The following CNTN5 variants were observed in gnomAD, a reference collection of about 807,000 sequenced individuals.
CNTN5 encodes the protein contactin 5, also known as contactin-5.
A neutral mutation model predicts 129.1 loss-of-function variants in CNTN5; 77 were observed. The ratio of observed to expected loss-of-function variants is 0.60; its 90% CI spans 0.50 to 0.72. The LOEUF is 0.72. Among genes scored for constraint, CNTN5 ranks in the 30% least tolerant of loss-of-function variants. The probability of loss-of-function intolerance (pLI) is 0.00; values close to 1 mark genes in which losing one functional copy is unlikely to be tolerated. For synonymous variants in CNTN5, 509 were observed against 465.6 expected, an observed-to-expected ratio of 1.09 and a Z score of -1.20; for missense variants, 1,478 against 1,328.8, an observed-to-expected ratio of 1.11 and a Z score of -1.75.
At chr11:99,486,155 A>G (rs2135332248) in intron 2 of CNTN5, among the ~76,000 whole-genome samples, 1 of 152,142 alleles carries the variant, frequency 6.6e-6, no homozygotes, top group Non-Finnish European at 1.5e-5. Context: ...AATTCAGTTA[A>G]TAGTATTTGT....
chr11:100,037,427 C>G (rs1157663097), intron 9 of CNTN5, among the ~76,000 whole-genome samples: 9 of 151,822 alleles, frequency 5.9e-5, no homozygotes, highest in African/African-American at 9.7e-5. Context: ...GTCTAAAATT[C>G]TCTTTTTTGG....
chr11:99,188,900 C>A (rs997624102), intron 1 of CNTN5, among the ~76,000 whole-genome samples: 4 of 151,666 alleles, frequency 2.6e-5, no homozygotes, highest in Non-Finnish European at 1.5e-5. Context: ...GAATATAATA[C>A]ATTTTTATTA....
chr11:99,795,378 G>T (rs1055526163), intron 3 of CNTN5, among the ~76,000 whole-genome samples: 1 of 152,080 alleles, frequency 6.6e-6, no homozygotes, highest in Non-Finnish European at 1.5e-5. Flanking sequence ...CTGAATCTCA[G>T]TGATCTTTAT....
intron 2 of CNTN5, among the ~76,000 whole-genome samples, chr11:99,400,872 G>A (rs2136210765): frequency 6.6e-6 from 1 of 152,178 alleles, no homozygotes; most frequent in African/African-American, 2.4e-5. Context: ...CCATTTTTAT[G>A]TATTCGTTTG....
intron 1 of CNTN5, among the ~76,000 whole-genome samples, chr11:99,164,718 A>G (rs1860793958): frequency 6.6e-6 from 1 of 152,214 alleles, no homozygotes; most frequent in Non-Finnish European, 1.5e-5. Flanking sequence ...AAAATAATAC[A>G]TGAAAATTGG....
At chr11:99,841,974 C>G (rs1359513497) in intron 4 of CNTN5, among the ~76,000 whole-genome samples, 1 of 151,616 alleles carries the variant, frequency 6.6e-6, no homozygotes. Flanking sequence ...GCAACTTCCA[C>G]CTCCATTGTT....
chr11:99,248,136 G>T (rs188972469), intron 1 of CNTN5, among the ~76,000 whole-genome samples: 8,234 of 151,856 alleles, frequency 0.054, 780 homozygotes, highest in African/African-American at 0.19. Flanking sequence ...GTTTCCTGAC[G>T]TTTTAATGAT....
intron 13 of CNTN5, among the ~76,000 whole-genome samples, chr11:100,126,811 A>T (rs181085762): frequency 1.1e-3 from 173 of 152,134 alleles, no homozygotes; most frequent in African/African-American, 3.9e-3. Flanking sequence ...TAAGCTTTTA[A>T]TCTTATTGTG....
At chr11:99,675,642 G>T (rs1324740292) in intron 3 of CNTN5, among the ~76,000 whole-genome samples, 1 of 152,072 alleles carries the variant, frequency 6.6e-6, no homozygotes, top group Non-Finnish European at 1.5e-5. Context: ...CTGAGATTGT[G>T]CCCCACTGCC....
intron 3 of CNTN5, among the ~76,000 whole-genome samples, chr11:99,784,142 A>C (rs903678054): frequency 6.6e-6 from 1 of 152,008 alleles, no homozygotes; most frequent in Non-Finnish European, 1.5e-5. Flanking sequence ...CAGGTTCAGA[A>C]CTTTTTACTA....
chr11:100,303,895 A>G lies in CNTN5; in HGVS notation c.2621-4464A>G, dbSNP rs554104034. Reference sequence around the variant, plus strand: ...ATGATCTATTTGGATTAGTGCCTATAAAAGTTCAACTACAGCTGTCTTCAC... The same window carrying G: ...ATGATCTATTTGGATTAGTGCCTATGAAAGTTCAACTACAGCTGTCTTCAC... On this transcript the variant is annotated intron_variant, in intron 20 of 24. Transcript: ENST00000524871. 5.9e-5 allele frequency among the ~76,000 whole-genome samples: 9 copies of G among 151,826 alleles called. No homozygotes were observed. The South Asian group carries it at 1.7e-3, about 28-fold the overall frequency.
At chr11:99,265,106 C>A (rs1460894016) in intron 1 of CNTN5, among the ~76,000 whole-genome samples, 1 of 151,720 alleles carries the variant, frequency 6.6e-6, no homozygotes, top group Non-Finnish European at 1.5e-5. Flanking sequence ...GAATGATACA[C>A]TAACTTTGCT....
intron 1 of CNTN5, among the ~76,000 whole-genome samples, chr11:99,131,270 A>G (rs1047272786): frequency 2.7e-5 from 4 of 149,744 alleles, no homozygotes; most frequent in African/African-American, 9.8e-5. Context: ...AAAAAGAAAA[A>G]TTTATAGCAC....
chr11:100,028,639 A>G (rs1301963035), intron 9 of CNTN5, among the ~76,000 whole-genome samples: 3 of 152,208 alleles, frequency 2.0e-5, no homozygotes, highest in African/African-American at 4.8e-5. Flanking sequence ...CTTGCATTCT[A>G]TAAACCTCTC....
intron 3 of CNTN5, among the ~76,000 whole-genome samples, chr11:99,765,880 A>G (rs555756332): frequency 1.6e-4 from 25 of 152,052 alleles, no homozygotes; most frequent in African/African-American, 6.0e-4. Context: ...ATTAAATAAG[A>G]GTAGCCTAGA....
chr11:99,628,507 G>A (rs1951212518), intron 3 of CNTN5, among the ~76,000 whole-genome samples: 1 of 151,750 alleles, frequency 6.6e-6, no homozygotes, highest in South Asian at 2.1e-4. Flanking sequence ...GCAATGTACC[G>A]TGTATTATAT....
chr11:99,789,157 C>G (rs915437458), intron 3 of CNTN5, among the ~76,000 whole-genome samples: 9 of 151,836 alleles, frequency 5.9e-5, no homozygotes, highest in Non-Finnish European at 7.4e-5. Flanking sequence ...TATTTTAAAG[C>G]TGTTGTAGCA....
intron 4 of CNTN5, among the ~76,000 whole-genome samples, chr11:99,831,073 C>T (rs968967951): frequency 1.3e-5 from 2 of 152,130 alleles, no homozygotes; most frequent in African/African-American, 4.8e-5. Flanking sequence ...ATTGGTTTGG[C>T]ATCCTGTGAA....
intron 9 of CNTN5, among the ~76,000 whole-genome samples, chr11:100,023,558 AAATT>A (rs1941271770): frequency 6.6e-6 from 1 of 152,212 alleles, no homozygotes; most frequent in Admixed American, 6.5e-5. Flanking sequence ...TTAGTGTTCT[AAATT>A]CTATGGATTT....
Sources: gnomAD v4.1 joint callset for allele counts (sites outside exome capture counted in the v4.1 genomes callset) on GRCh38, gnomAD v4.1.1 for gene constraint, MANE v1.5 for transcripts, NCBI Gene and HGNC (gene_info 2026-07-23, HGNC 2026-07-21) for gene names.